The following SETD1A variants were observed in gnomAD, a reference collection of about 807,000 sequenced individuals.
The protein encoded by SETD1A is histone-lysine N-methyltransferase SETD1A.
In SETD1A, 29 loss-of-function variants were observed where a neutral mutation model predicts 149.9. That is an observed-to-expected ratio of 0.19 (90% CI 0.14 to 0.26). The LOEUF is 0.26. Ranked by LOEUF, SETD1A falls within the 10% of genes least tolerant of loss-of-function variation. The probability of loss-of-function intolerance (pLI) is 1.00; values close to 1 mark genes in which losing one functional copy is unlikely to be tolerated. For synonymous variants in SETD1A, 1,141 were observed against 968.5 expected (o/e 1.18, Z -3.31); for missense variants, 2,109 against 2,353.1 (o/e 0.90, Z 2.15).
Position 30,979,983 on chromosome 16 carries a change from G to A in SETD1A, c.4197G>A (p.Arg1399=), listed in dbSNP as rs538363430. The A allele has an allele frequency of 6.6e-7, 1 of 1,509,136 alleles. No homozygotes were observed. The highest frequency in any genetic ancestry group is 2.2e-5 in the Admixed American group (1 of 45,016). 93.5% of individuals were successfully genotyped at this position (1,509,136 alleles called of 1,614,324 possible). The change falls in exon 14 of 19, where the codon CGG becomes CGA. Residue 1399 remains arginine, a synonymous_variant. Coordinates refer to ENST00000262519, the MANE Select transcript of SETD1A (RefSeq NM_014712.3). The part of the protein sequence containing the change: ...LRRRSLRSHA[R]RRRPPPPPPP... The stretch of plus-strand genomic sequence containing the variant: ...GGCGCAGCCTCCGCTCCCACGCCCG[G>A]CGCCGCCGCCCTCCGCCCCCACCCC...
In SETD1A at chr16:30,979,558, G is replaced by T; in HGVS notation, c.3772G>T (p.Asp1258Tyr). Residue 1258 changes from aspartate (D) to tyrosine (Y), a missense_variant, in exon 14 of 19, where the codon GAC (aspartate) becomes TAC (tyrosine). Asp to Tyr is a radical substitution (Grantham distance 160). This residue lies in a region of SETD1A where 832 missense variants were observed against 815.6 expected (regional missense o/e 1.02). Coordinates refer to ENST00000262519, the MANE Select transcript of SETD1A (RefSeq NM_014712.3). The stretch of plus-strand genomic sequence containing the variant: ...AGAGGTGGACCTGGCGGTCCTGGCC[G>T]ACCTGGCCCTGACCCCTGCCCGGCG... ...GTEVDLAVLA[D>Y]LALTPARRGL... is the part of the protein sequence containing the mutation. The T allele has an allele frequency of 6.2e-7, 1 of 1,609,442 alleles. No individual in the cohort carries two copies.
intron 12 of SETD1A, among the ~76,000 whole-genome samples, chr16:30,971,072 C>G (rs2056217701): frequency 6.6e-6 from 1 of 152,220 alleles, no homozygotes; most frequent in Non-Finnish European, 1.5e-5. Context: ...CCTCTTGCTT[C>G]CGACATCCCT....
intron 10 of SETD1A, among the ~76,000 whole-genome samples, chr16:30,968,588 G>A (rs1382085704): frequency 6.6e-6 from 1 of 151,724 alleles, no homozygotes; most frequent in Admixed American, 6.6e-5. Flanking sequence ...GGATCACAAG[G>A]TCAAGAGATC....
In SETD1A at chr16:30,961,177, T is replaced by C. The variant is rs2056047430; in HGVS notation, c.247-90T>C. ...CCCTCACTTTCCCGGATCTCTCTCT[T>C]GACTTCATGGAGCTTGCTAAAGTTT... is the stretch of plus-strand genomic sequence containing the variant. On this transcript the variant is annotated intron_variant, in intron 3 of 18. Transcript: ENST00000262519. The surrounding 1 kb of genome is among the most constrained non-coding windows in gnomAD (Gnocchi z 4.0). 2 of 1,370,920 alleles carry C rather than the reference T, an allele frequency of 1.5e-6. No homozygotes were observed. Among genetic ancestry groups the C allele is most frequent in the African/African-American group, 1.5e-5 (1 of 68,652 alleles). 84.9% of individuals were successfully genotyped at this position (1,370,920 alleles called of 1,614,324 possible).
At position 30,969,472 on chromosome 16, in the gene SETD1A, C is replaced by A. The variant is rs370563811; in HGVS notation, c.2928+10C>A. The A allele has an allele frequency of 1.7e-5, 27 of 1,603,428 alleles. No homozygotes were observed. The African/African-American group carries it at 3.6e-4, about 21-fold the overall frequency. Reference sequence around the variant, plus strand: ...GTCCTCCTCGGAGAAGGTGAGGGCCCGGGCGCCGGCTCCTGGCCGAAGCCT... The same window carrying A: ...GTCCTCCTCGGAGAAGGTGAGGGCCAGGGCGCCGGCTCCTGGCCGAAGCCT... On this transcript the variant is annotated intron_variant, in intron 11 of 18. Coordinates refer to ENST00000262519, the MANE Select transcript of SETD1A (RefSeq NM_014712.3).
chr16:30,959,517 G>A (rs2143452648), intron 3 of SETD1A, among the ~76,000 whole-genome samples: 1 of 152,290 alleles, frequency 6.6e-6, no homozygotes, highest in East Asian at 1.9e-4. Context: ...TTCCTTGACA[G>A]TCAAGGGGAG....
chr16:30,979,188 A>G lies in SETD1A; in HGVS notation c.3402A>G (p.Pro1134=). ...CCCCCAGTGCGCCTCTGCGTCCCCCAGAACCACCTGCTGGGCCCCCGGCCC... is the reference window on the plus strand; with the variant it reads ...CCCCCAGTGCGCCTCTGCGTCCCCCGGAACCACCTGCTGGGCCCCCGGCCC... ...ESPPSAPLRP[P]EPPAGPPAPA... Residue 1134 remains proline, a synonymous_variant, in exon 14 of 19, where the codon CCA becomes CCG. Coordinates refer to ENST00000262519, the MANE Select transcript of SETD1A (RefSeq NM_014712.3). 6.3e-7 allele frequency: 1 copy of G among 1,583,256 alleles called. No homozygotes were observed. The highest frequency in any genetic ancestry group is 8.6e-7 in the Non-Finnish European group (1 of 1,165,010).
chr16:30,959,102 T>C lies in SETD1A; in HGVS notation c.162T>C (p.Tyr54=), dbSNP rs199743836. The change falls in exon 3 of 19, where the codon TAT becomes TAC. Residue 54 remains tyrosine (Y), a synonymous_variant. Transcript: ENST00000262519. Reference sequence around the variant, plus strand: ...GCTTTCCTTCCTAGGACTCAAAGTATATACCAGTCGAAGACCTCCAAGACC... The same window carrying C: ...GCTTTCCTTCCTAGGACTCAAAGTACATACCAGTCGAAGACCTCCAAGACC... ...GVHFSVNDSK[Y]IPVEDLQDPR... 129 of 1,612,188 alleles carry C rather than the reference T, an allele frequency of 8.0e-5. No homozygotes were observed. Among genetic ancestry groups the C allele is most frequent in the Non-Finnish European group, 1.1e-4 (128 of 1,178,392 alleles).
intron 13 of SETD1A, among the ~76,000 whole-genome samples, chr16:30,973,581 G>A (rs749101757): frequency 6.6e-6 from 1 of 152,136 alleles, no homozygotes; most frequent in African/African-American, 2.4e-5. Flanking sequence ...CTTGAACCCG[G>A]GAGGTGGATG....
chr16:30,971,232 G>A (rs1044097823), intron 12 of SETD1A, 146 bp from the exon 13 acceptor site: 13 of 775,414 alleles, frequency 1.7e-5, no homozygotes, highest in South Asian at 1.3e-4. Flanking sequence ...CAGTGAAAAT[G>A]GTTTGCTTAT....
chr16:30,964,554 A>C (rs1000423385), intron 6 of SETD1A, 58 bp from the exon 7 acceptor site: 2 of 1,574,214 alleles, frequency 1.3e-6, no homozygotes, highest in East Asian at 4.5e-5. Context: ...GGGACCCAGT[A>C]CGCTGTGGTT....
At chr16:30,968,342 A>T (rs2056176161) in intron 10 of SETD1A, among the ~76,000 whole-genome samples, 2 of 150,528 alleles carry the variant, frequency 1.3e-5, no homozygotes, top group African/African-American at 4.9e-5. Flanking sequence ...GGTGGAGGTT[A>T]CAGTGAGCCA....
At chr16:30,977,816 G>A (rs2056302720) in intron 13 of SETD1A, among the ~76,000 whole-genome samples, 1 of 152,214 alleles carries the variant, frequency 6.6e-6, no homozygotes, top group Admixed American at 6.5e-5. Flanking sequence ...GCCGGGCCTG[G>A]TGCCGGCGGC....
chr16:30,966,362 G>A lies in SETD1A; in HGVS notation c.2481G>A (p.Trp827Ter). ...NVAFGAFDQW[W>*]ESKEEKAKPF... ...CCTTCGGAGCCTTTGACCAGTGGTG[G>A]GAGAGCAAGGAGGAGAAGGCCAAGG... Residue 827 changes from tryptophan to a stop codon, truncating the protein, a stop_gained, in exon 8 of 19, where the codon TGG becomes TGA. Transcript: ENST00000262519. LOFTEE classifies it high-confidence loss of function. 6.2e-7 allele frequency: 1 copy of A among 1,610,686 alleles called. No homozygotes were observed. Among genetic ancestry groups the A allele is most frequent in the Non-Finnish European group, 8.5e-7 (1 of 1,177,856 alleles).
intron 5 of SETD1A, 66 bp downstream of exon 5, chr16:30,963,620 G>A (rs988670517): frequency 2.9e-5 from 45 of 1,529,094 alleles, no homozygotes; most frequent in Non-Finnish European, 3.8e-5. Flanking sequence ...CCCGGAGCAG[G>A]AGCAGTCTTC....
intron 13 of SETD1A, among the ~76,000 whole-genome samples, chr16:30,972,200 C>G (rs1335296517): frequency 1.3e-5 from 2 of 152,198 alleles, no homozygotes; most frequent in African/African-American, 4.8e-5. Context: ...GAGGGAACCG[C>G]TCTTTCAAGC....
chr16:30,960,615 C>T (rs920719755), intron 3 of SETD1A, among the ~76,000 whole-genome samples: 1 of 152,134 alleles, frequency 6.6e-6, no homozygotes, highest in Admixed American at 6.6e-5. Flanking sequence ...TCTGTATTTC[C>T]AGTGCCTCGT....
At chr16:30,979,026 C>A (rs1210448737) in intron 13 of SETD1A, 119 bp from the exon 14 acceptor site, 2 of 1,016,048 alleles carry the variant, frequency 2.0e-6, no homozygotes, top group Non-Finnish European at 2.8e-6. Flanking sequence ...CGTCTGTGTT[C>A]CCTCCGGGGT....
chr16:30,974,661 A>G lies in SETD1A; in HGVS notation c.3358+2942A>G, dbSNP rs181582303. Among the ~76,000 whole-genome samples the G allele has an allele frequency of 5.3e-5, 8 of 152,144 alleles. No homozygotes were observed. In the East Asian group the frequency reaches 1.5e-3, roughly 29 times the overall value. On this transcript the variant is annotated intron_variant, in intron 13 of 18. Transcript: ENST00000262519. ...GAAGCCAAGTTACAGGGTGTTAAGG[A>G]ATGAGGGGAGGGCAGTTTTCTGGAA...
Sources: gnomAD v4.1 joint callset for allele counts (sites outside exome capture counted in the v4.1 genomes callset) on GRCh38, gnomAD v4.1.1 for gene constraint, gnomAD v4.1.1 regional missense constraint, Gnocchi (gnomAD v3.1) non-coding constraint, MANE v1.5 for transcripts, NCBI Gene and HGNC (gene_info 2026-07-23, HGNC 2026-07-21) for gene names.